TNS4: variants seen among roughly 807,000 people sequenced by gnomAD.
TNS4 encodes tensin 4.
A neutral mutation model predicts 70.4 loss-of-function variants in TNS4; 46 were observed. That is an observed-to-expected ratio of 0.65 (90% confidence interval 0.52 to 0.84). The LOEUF is 0.84. Ranked by LOEUF, TNS4 falls within the 40% of genes least tolerant of loss-of-function variation. TNS4 has a pLI of 0.00. For synonymous variants in TNS4, 390 were observed against 366.6 expected (o/e 1.06, Z -0.73); for missense variants, 863 against 907.0 (o/e 0.95, Z 0.62).
At chr17:40,482,954 T>TC (rs1267215363) in intron 6 of TNS4, among the ~76,000 whole-genome samples, 3 of 109,088 alleles carry the variant, frequency 2.8e-5, no homozygotes, top group Non-Finnish European at 6.3e-5. Flanking sequence ...TTATCAGGGA[T>TC]TTTTTTTTTT....
chr17:40,478,616 G>A lies in TNS4; in HGVS notation c.1943C>T (p.Thr648Ile). Residue 648 changes from threonine to isoleucine, a missense_variant, in exon 11 of 13, where the codon ACC becomes ATC. Physicochemically the swap from Thr to Ile is moderately conservative, Grantham distance 89 (BLOSUM62 -1). Coordinates refer to ENST00000254051, the MANE Select transcript of TNS4 (RefSeq NM_032865.6). ...AGGGTCCATACCACAGAAGCGGAGG[G>A]TGGTGAGTGGGTAATGGCGCCGGAA... ...VFFRRHYPLT[T>I]LRFCGMDPEQ... The A allele has an allele frequency of 6.2e-7, 1 of 1,614,176 alleles. No homozygotes were observed. Among genetic ancestry groups the A allele is most frequent in the Non-Finnish European group, 8.5e-7 (1 of 1,180,018 alleles).
chr17:40,501,105 C>G (rs551772325), intron 1 of TNS4, among the ~76,000 whole-genome samples: 134 of 152,324 alleles, frequency 8.8e-4, no homozygotes, highest in African/African-American at 3.0e-3. Flanking sequence ...ACATCCTCCA[C>G]CCCATTTCTC....
chr17:40,488,931 A>G lies in TNS4; in HGVS notation c.478T>C (p.Cys160Arg). The G allele has an allele frequency of 1.3e-6, 2 of 1,594,640 alleles. No homozygotes were observed. The highest frequency in any genetic ancestry group is 1.7e-6 in the Non-Finnish European group (2 of 1,173,148). ...GAGCAGTGCTGGGGGCCATCGTGGCACCTTGATCTGGCGGAGGTCACCTCG... is the reference window on the plus strand; with the variant it reads ...GAGCAGTGCTGGGGGCCATCGTGGCGCCTTGATCTGGCGGAGGTCACCTCG... Reference protein sequence around the residue: ...YIEVTSARSRCHDGPQHCSSP... With the variant: ...YIEVTSARSRRHDGPQHCSSP... The change falls in exon 3 of 13, where the codon TGC becomes CGC. Residue 160 changes from cysteine (C) to arginine (R), a missense_variant. Physicochemically the swap from Cys to Arg is radical, Grantham distance 180. Coordinates refer to ENST00000254051, the MANE Select transcript of TNS4 (RefSeq NM_032865.6).
At chr17:40,478,483 G>T in intron 11 of TNS4, 97 bp downstream of exon 11, 1 of 1,560,018 alleles carries the variant, frequency 6.4e-7, no homozygotes, top group Non-Finnish European at 8.8e-7. Context: ...AGGTTCACAG[G>T]CTCCCTCTGG....
chr17:40,497,204 G>A (rs1225933182), intron 1 of TNS4, among the ~76,000 whole-genome samples: 2 of 152,202 alleles, frequency 1.3e-5, no homozygotes, highest in Admixed American at 1.3e-4. Flanking sequence ...GGGAGGTTAG[G>A]GAGGTCTTCC....
intron 2 of TNS4, among the ~76,000 whole-genome samples, chr17:40,493,386 A>T (rs2036100531): frequency 6.6e-6 from 1 of 152,166 alleles, no homozygotes; most frequent in South Asian, 2.1e-4. Context: ...AAGAGAACTC[A>T]CCACAACGCT....
chr17:40,488,487 G>T, intron 3 of TNS4, 59 bp downstream of exon 3: 2 of 1,405,350 alleles, frequency 1.4e-6, no homozygotes, highest in Non-Finnish European at 1.9e-6. Context: ...GATTTTAGGG[G>T]GTGCATGCGT....
At chr17:40,488,494 G>A (rs952895459) in intron 3 of TNS4, 52 bp downstream of exon 3, 3 of 1,439,700 alleles carry the variant, frequency 2.1e-6, no homozygotes, top group Non-Finnish European at 2.7e-6. Flanking sequence ...GGGGGTGCAT[G>A]CGTGCGTGTG....
At chr17:40,489,796 C>CA (rs11463268) in intron 2 of TNS4, among the ~76,000 whole-genome samples, 23,175 of 105,614 alleles carry the variant, frequency 0.22, 2,791 homozygotes, top group African/African-American at 0.35. Flanking sequence ...GCCCCATCTC[C>CA]AAAAAAAAAA....
In TNS4 at chr17:40,479,846, T is replaced by A. The variant is rs913020938; in HGVS notation, c.1742-4A>T. 2 of 1,608,396 alleles carry A rather than the reference T, an allele frequency of 1.2e-6. No homozygotes were observed. Among genetic ancestry groups the A allele is most frequent in the African/African-American group, 1.3e-5 (1 of 74,782 alleles). ...CTCAGGTACAGGGTGTGGCAGCCTGTGGGAGGCAGACACTGCGCTGGGGCC... is the reference window on the plus strand; with the variant it reads ...CTCAGGTACAGGGTGTGGCAGCCTGAGGGAGGCAGACACTGCGCTGGGGCC... On this transcript the variant is annotated splice_polypyrimidine_tract_variant and splice_region_variant and intron_variant, in intron 9 of 12. Coordinates refer to ENST00000254051, the MANE Select transcript of TNS4 (RefSeq NM_032865.6).
intron 2 of TNS4, among the ~76,000 whole-genome samples, chr17:40,491,731 C>A (rs1452565515): frequency 6.6e-6 from 1 of 152,252 alleles, no homozygotes; most frequent in Non-Finnish European, 1.5e-5. Flanking sequence ...GTTGGGGCCT[C>A]TACCCATTGC....
At chr17:40,481,829 G>A (rs763872034) in intron 8 of TNS4, among the ~76,000 whole-genome samples, 3 of 152,204 alleles carry the variant, frequency 2.0e-5, no homozygotes, top group African/African-American at 7.2e-5. Context: ...CTCAAAGCAG[G>A]CTGCTATTTA....
At chr17:40,497,795 C>T (rs112992476) in intron 1 of TNS4, among the ~76,000 whole-genome samples, 4 of 152,142 alleles carry the variant, frequency 2.6e-5, no homozygotes, top group African/African-American at 9.7e-5. Flanking sequence ...CTCAGGACTG[C>T]CAGCTCAACC....
chr17:40,493,688 A>C (rs906410806), intron 2 of TNS4, among the ~76,000 whole-genome samples: 1 of 152,204 alleles, frequency 6.6e-6, no homozygotes, highest in Admixed American at 6.5e-5. Context: ...CCTGTTCCCC[A>C]GAGTTGGGTG....
chr17:40,488,804 A>T lies in TNS4; in HGVS notation c.605T>A (p.Ile202Asn), dbSNP rs1384721992. 1 of 1,611,776 alleles carries T rather than the reference A, an allele frequency of 6.2e-7. No homozygotes were observed. The highest frequency in any genetic ancestry group is 1.3e-5 in the African/African-American group (1 of 74,194). The part of the protein sequence containing the change: ...RETRSSSESL[I>N]FSGNQGRGHQ... ...CCCCCTGCCCTGGTTCCCAGAGAAG[A>T]TGAGGCTCTCACTGCTGCTTCGTGT... The change falls in exon 3 of 13, where the codon ATC (isoleucine) becomes AAC (asparagine). Residue 202 changes from isoleucine to asparagine, a missense_variant. Physicochemically the swap from Ile to Asn is moderately radical, Grantham distance 149 (BLOSUM62 -3). Transcript: ENST00000254051.
At position 40,479,853 on chromosome 17, in the gene TNS4, C is replaced by T; in HGVS notation, c.1742-11G>A. On this transcript the variant is annotated splice_polypyrimidine_tract_variant and intron_variant, in intron 9 of 12. Coordinates refer to ENST00000254051, the MANE Select transcript of TNS4 (RefSeq NM_032865.6). ...ACAGGGTGTGGCAGCCTGTGGGAGG[C>T]AGACACTGCGCTGGGGCCACTGACC... 1 of 1,604,252 alleles carries T rather than the reference C, an allele frequency of 6.2e-7. No individual in the cohort carries two copies. The highest frequency in any genetic ancestry group is 8.5e-7 in the Non-Finnish European group (1 of 1,175,766).
Position 40,500,376 on chromosome 17 carries a change from T to C in TNS4, c.-96+1158A>G, listed in dbSNP as rs563560060. On this transcript the variant is annotated intron_variant, in intron 1 of 12. Transcript: ENST00000254051. ...TCCATCTTACTCCTGTATTCCTGAA[T>C]GCTGCCCCCTTCGCGGCCCCGCACA... Among the ~76,000 whole-genome samples, 112 of 152,324 alleles carry C rather than the reference T, an allele frequency of 7.4e-4. 1 individual carries two copies. Among genetic ancestry groups the C allele is most frequent in the African/African-American group, 2.6e-3 (109 of 41,574 alleles).
intron 5 of TNS4, 84 bp from the exon 6 acceptor site, chr17:40,484,693 T>A: frequency 1.3e-6 from 2 of 1,566,232 alleles, no homozygotes; most frequent in Non-Finnish European, 1.7e-6. Context: ...ACAGAGCAGA[T>A]GTTACAGAGT....
chr17:40,497,681 C>T (rs766559790), intron 1 of TNS4, among the ~76,000 whole-genome samples: 84 of 151,678 alleles, frequency 5.5e-4, no homozygotes, highest in Non-Finnish European at 1.0e-3. Flanking sequence ...GGGAAGCTCA[C>T]AAGACCCTAT....
Sources: allele counts gnomAD v4.1 joint callset (sites outside exome capture counted in the v4.1 genomes callset), GRCh38; gene constraint gnomAD v4.1.1; transcripts MANE v1.5; gene names NCBI Gene and HGNC (gene_info 2026-07-23, HGNC 2026-07-21).